The following CC2D1B variants were observed in gnomAD, a reference collection of about 807,000 sequenced individuals.
CC2D1B encodes the protein coiled-coil and C2 domain containing 1B, also known as coiled-coil and C2 domain-containing protein 1B.
In CC2D1B, 92 loss-of-function variants were observed where a neutral mutation model predicts 110.8. The ratio of observed to expected loss-of-function variants is 0.83; its 90% confidence interval spans 0.70 to 0.99. CC2D1B has a LOEUF of 0.99. Ranked by LOEUF, CC2D1B falls within the 50% of genes least tolerant of loss-of-function variation. The pLI is 0.00. For synonymous variants in CC2D1B, 406 were observed against 429.2 expected, an observed-to-expected ratio of 0.95 and a Z score of 0.67; for missense variants, 1,136 against 1,089.0, an observed-to-expected ratio of 1.04 and a Z score of -0.61.
At position 52,359,027 on chromosome 1, in the gene CC2D1B, C is replaced by G; in HGVS notation, c.1257G>C (p.Lys419Asn). The change falls in exon 11 of 25, where the codon AAG becomes AAC. Residue 419 changes from lysine to asparagine, a missense_variant and splice_region_variant. Transcript: ENST00000284376. The stretch of plus-strand genomic sequence containing the variant: ...AGGGGCTGCATAGCCGCGGGCCCAC[C>G]TTGGCAATGCGCTCATGCATCCGAG... The part of the protein sequence containing the change: ...RKARMHERIA[K>N]QYQDAIRAHR... 6.2e-7 allele frequency: 1 copy of G among 1,605,676 alleles called. No individual in the cohort carries two copies. Among genetic ancestry groups the G allele is most frequent in the Non-Finnish European group, 8.5e-7 (1 of 1,179,648 alleles).
At position 52,354,664 on chromosome 1, in the gene CC2D1B, CT is replaced by C; in HGVS notation, c.2373del (p.Ala792HisfsTer3). 1 of 1,614,228 alleles carries C rather than the reference CT, an allele frequency of 6.2e-7. No individual in the cohort carries two copies. Among genetic ancestry groups the C allele is most frequent in the African/African-American group, 1.3e-5 (1 of 75,062 alleles). On this transcript the variant is annotated frameshift_variant, in exon 23 of 25. Coordinates refer to ENST00000284376, the MANE Select transcript of CC2D1B (RefSeq NM_001330585.2). LOFTEE classifies it high-confidence loss of function. ...SFFRSDKLVG[T>X]AHLKLERLEN... ...TCCAGCCGCTCCAGTTTCAGGTGTG[CT>C]GTGCCAACCAGCTTGTCGCTTCTGA...
chr1:52,356,149 C>G (rs1646646179), intron 18 of CC2D1B, 37 bp downstream of exon 18: 1 of 1,550,306 alleles, frequency 6.5e-7, no homozygotes, highest in East Asian at 2.2e-5. Flanking sequence ...TCCTGCCCCT[C>G]CCTGCCTGGA....
intron 3 of CC2D1B, among the ~76,000 whole-genome samples, chr1:52,362,364 G>A (rs1646799360): frequency 6.6e-6 from 1 of 152,224 alleles, no homozygotes; most frequent in Non-Finnish European, 1.5e-5. Context: ...TAGGGCTAAG[G>A]ATGGGGACCT....
chr1:52,355,352 C>G, intron 21 of CC2D1B, 46 bp downstream of exon 21: 13 of 1,600,344 alleles, frequency 8.1e-6, no homozygotes, highest in Non-Finnish European at 1.1e-5. Flanking sequence ...CCAGTGCTGC[C>G]CACACACTCT....
intron 4 of CC2D1B, 77 bp from the exon 5 acceptor site, chr1:52,361,209 C>T (rs951456050): frequency 1.3e-6 from 2 of 1,542,416 alleles, no homozygotes; most frequent in South Asian, 2.3e-5. Context: ...AGTAAAGGAC[C>T]CTCTCTCTCA....
In CC2D1B at chr1:52,355,793, T is replaced by C. The variant is rs1489782406; in HGVS notation, c.2106A>G (p.Gly702=). The change falls in exon 19 of 25, where the codon GGA becomes GGG. Residue 702 remains glycine (G), a synonymous_variant. Coordinates refer to ENST00000284376, the MANE Select transcript of CC2D1B (RefSeq NM_001330585.2). The part of the protein sequence containing the change: ...STEMHLIIVR[G]MNLPAPPGVT... ...TACCTGGAGGGGCTGGGAGGTTCATTCCCCGGACAATGATCAGATGCATTT... is the reference window on the plus strand; with the variant it reads ...TACCTGGAGGGGCTGGGAGGTTCATCCCCCGGACAATGATCAGATGCATTT... 6.2e-7 allele frequency: 1 copy of C among 1,614,036 alleles called. No homozygotes were observed. Among genetic ancestry groups the C allele is most frequent in the Non-Finnish European group, 8.5e-7 (1 of 1,180,004 alleles).
chr1:52,358,231 ATGT>A, intron 13 of CC2D1B, 97 bp downstream of exon 13: 1 of 1,477,344 alleles, frequency 6.8e-7, no homozygotes, highest in Non-Finnish European at 9.2e-7. Context: ...AGGAAAGAAT[ATGT>A]ACCTTATTGG....
intron 6 of CC2D1B, 21 bp downstream of exon 6, chr1:52,360,403 T>C (rs1646753807): frequency 6.2e-7 from 1 of 1,611,784 alleles, no homozygotes; most frequent in African/African-American, 1.3e-5. Context: ...CCTGCCCTGC[T>C]CCCAGCCTAG....
At chr1:52,363,260 T>C (rs1646819870) in intron 2 of CC2D1B, among the ~76,000 whole-genome samples, 1 of 151,956 alleles carries the variant, frequency 6.6e-6, no homozygotes, top group South Asian at 2.1e-4. Flanking sequence ...CCGGGCGCGG[T>C]GGCGGGCGCC....
intron 21 of CC2D1B, 57 bp from the exon 22 acceptor site, chr1:52,354,996 T>A: frequency 7.0e-7 from 1 of 1,432,486 alleles, no homozygotes; most frequent in Non-Finnish European, 9.8e-7. Context: ...CCTGAGGAAG[T>A]GGAAATGGAG....
chr1:52,364,598 C>G lies in CC2D1B; in HGVS notation c.23G>C (p.Arg8Pro), dbSNP rs755099895. The G allele has an allele frequency of 1.2e-6, 2 of 1,608,302 alleles. No individual in the cohort carries two copies. Among genetic ancestry groups the G allele is most frequent in the African/African-American group, 2.7e-5 (2 of 74,862 alleles). MMPGPRP[R>P]KGPQARGQGV... ...TTGGCCTCTGGCCTGAGGGCCCTTC[C>G]GAGGTCTTGGCCCTGGCATCATGGC... Residue 8 changes from arginine to proline, a missense_variant, in exon 2 of 25, where the codon CGG becomes CCG. Physicochemically the swap from Arg to Pro is moderately radical, Grantham distance 103. Transcript: ENST00000284376.
At chr1:52,364,847 C>T (rs929510814) in intron 1 of CC2D1B, among the ~76,000 whole-genome samples, 3 of 152,120 alleles carry the variant, frequency 2.0e-5, no homozygotes, top group African/African-American at 7.2e-5. Context: ...ATGTTCTGAA[C>T]GGACTCAAAT....
intron 13 of CC2D1B, 31 bp from the exon 14 acceptor site, chr1:52,357,929 G>A (rs764435562): frequency 6.5e-7 from 1 of 1,530,234 alleles, no homozygotes; most frequent in African/African-American, 1.4e-5. Context: ...GTTAGGAGGG[G>A]ATGTGTTCCC....
rs890022755 is a variant in CC2D1B at position 52,362,846 on chromosome 1, C to A, written c.70-100G>T. On this transcript the variant is annotated intron_variant, in intron 2 of 24. Transcript: ENST00000284376. ...CTCTCCAAGTCCCAATCAGTGGCTC[C>A]TTCAGTCTGTGAGGCCCAATGTGCA... The A allele has an allele frequency of 3.2e-6, 4 of 1,245,122 alleles. No homozygotes were observed. In the African/African-American group the frequency reaches 4.5e-5, roughly 14 times the overall value. The allele number at this position is 1,245,122 out of a possible 1,614,324, so 77.1% of individuals were successfully genotyped here. A position where few individuals can be genotyped will look rare whatever the true frequency, so the allele number is the denominator to read the frequency against.
rs1472641855 is a variant in CC2D1B, at chr1:52,360,800, T to A, written c.477+174A>T. On this transcript the variant is annotated intron_variant, in intron 5 of 24. Transcript: ENST00000284376. ...TAGTCTAGGAGAACAGAGAGGCCTT[T>A]GAGGCTGGCTGCCACGGAGGAGTTT... 4.3e-6 allele frequency: 4 copies of A among 938,544 alleles called. No homozygotes were observed. The East Asian group carries it at 1.0e-4, about 24-fold the overall frequency. The allele number at this position is 938,544 out of a possible 1,614,324, so 58.1% of individuals were successfully genotyped here. A position where few individuals can be genotyped will look rare whatever the true frequency, so the allele number is the denominator to read the frequency against.
rs369710287 is a variant in CC2D1B at position 52,360,291 on chromosome 1, C to T, written c.604-58G>A. The T allele has an allele frequency of 1.1e-3, 1,808 of 1,605,956 alleles. 3 individuals are homozygous for T. Among genetic ancestry groups the T allele is most frequent in the Non-Finnish European group, 1.3e-3 (1,544 of 1,176,386 alleles). On this transcript the variant is annotated intron_variant, in intron 6 of 24. Transcript: ENST00000284376. ...AGCCATCTCAGCCCAGACCCTGCTC[C>T]AAGACAGGCCAGGGGTGGCCCCCCA...
chr1:52,364,614 G>C lies in CC2D1B; in HGVS notation c.7C>G (p.Pro3Ala). Residue 3 changes from proline (P) to alanine (A), a missense_variant, in exon 2 of 25, where the codon CCA becomes GCA. Physicochemically the swap from Pro to Ala is conservative, Grantham distance 27. Transcript: ENST00000284376. MM[P>A]GPRPRKGPQA... ...GGGCCCTTCCGAGGTCTTGGCCCTGGCATCATGGCAGCCTAGATACCTATG... is the reference window on the plus strand; with the variant it reads ...GGGCCCTTCCGAGGTCTTGGCCCTGCCATCATGGCAGCCTAGATACCTATG... 6.2e-7 allele frequency: 1 copy of C among 1,606,932 alleles called. No individual in the cohort carries two copies. Among genetic ancestry groups the C allele is most frequent in the South Asian group, 1.1e-5 (1 of 90,546 alleles).
rs1174760799 is a variant in CC2D1B, at chr1:52,351,828, G to A, written c.*1397C>T. ...GAACCTGGGAGGTGGGGGTTGCAGCGAGCTGAGATCATGCCACTGCACTCC... is the reference window on the plus strand; with the variant it reads ...GAACCTGGGAGGTGGGGGTTGCAGCAAGCTGAGATCATGCCACTGCACTCC... On this transcript the variant is annotated 3_prime_UTR_variant, in exon 25 of 25. Coordinates refer to ENST00000284376, the MANE Select transcript of CC2D1B (RefSeq NM_001330585.2). 1 of 149,776 alleles carries A rather than the reference G, an allele frequency of 6.7e-6. No homozygotes were observed. The highest frequency in any genetic ancestry group is 1.5e-5 in the Non-Finnish European group (1 of 67,858). 9.3% of individuals were successfully genotyped at this position (149,776 alleles called of 1,614,324 possible).
chr1:52,355,059 G>A (rs1044792561), intron 21 of CC2D1B, 120 bp from the exon 22 acceptor site: 8 of 791,502 alleles, frequency 1.0e-5, no homozygotes, highest in Non-Finnish European at 1.7e-5. Flanking sequence ...TTGGGGTACT[G>A]CCTCCAAAGG....
Sources: gnomAD v4.1 joint callset for allele counts (sites outside exome capture counted in the v4.1 genomes callset) on GRCh38, gnomAD v4.1.1 for gene constraint, MANE v1.5 for transcripts, NCBI Gene and HGNC (gene_info 2026-07-23, HGNC 2026-07-21) for gene names.